Variants in RSPO2 observed in about 807,000 individuals in gnomAD.
RSPO2 encodes the protein R-spondin 2.
Under a neutral mutation model 30.9 loss-of-function variants are expected in RSPO2, and 14 were observed. The observed-to-expected ratio is 0.45, with a 90% CI of 0.30 to 0.71. The LOEUF (loss-of-function observed/expected upper bound fraction) is 0.71. Among genes scored for constraint, RSPO2 ranks in the 30% least tolerant of loss-of-function variants. RSPO2 has a pLI of 0.08. For missense variants in RSPO2, 264 were observed against 301.9 expected (o/e 0.87, Z 0.93); for synonymous variants, 107 against 96.4 (o/e 1.11, Z -0.64).
chr8:107,980,781 T>C (rs925993870), intron 3 of RSPO2, among the ~76,000 whole-genome samples: 5 of 152,116 alleles, frequency 3.3e-5, no homozygotes, highest in Admixed American at 6.5e-5. Context: ...GCCCTGCAAT[T>C]TTTCATGACT....
chr8:107,953,121 T>A (rs1386636189), intron 5 of RSPO2, among the ~76,000 whole-genome samples: 1 of 151,864 alleles, frequency 6.6e-6, no homozygotes, highest in Non-Finnish European at 1.5e-5. Context: ...ACTTTAAGAG[T>A]CCGATAGTTG....
At chr8:108,064,673 G>A (rs187524885) in intron 2 of RSPO2, among the ~76,000 whole-genome samples, 1 of 152,134 alleles carries the variant, frequency 6.6e-6, no homozygotes, top group African/African-American at 2.4e-5. Flanking sequence ...TCATTACTGG[G>A]TATATACCCA....
In RSPO2 at chr8:107,901,175, T is replaced by C. The variant is rs1012287687; in HGVS notation, c.632A>G (p.Lys211Arg). The change falls in exon 6 of 6, where the codon AAG (lysine) becomes AGG (arginine). Residue 211 changes from lysine to arginine, a missense_variant. Coordinates refer to ENST00000276659, the MANE Select transcript of RSPO2 (RefSeq NM_178565.5). ...TTTCTTGTTCCTCTTCTCCTTCGCC[T>C]TTGGTGTTCTCTTCCCTGCAATGAA... ...RHCPGGKRTP[K>R]AKEKRNKKKK... is the part of the protein sequence containing the mutation. 1 of 1,613,596 alleles carries C rather than the reference T, an allele frequency of 6.2e-7. No individual in the cohort carries two copies. Among genetic ancestry groups the C allele is most frequent in the African/African-American group, 1.3e-5 (1 of 75,002 alleles).
At chr8:108,050,200 T>C (rs1812036447) in intron 2 of RSPO2, among the ~76,000 whole-genome samples, 1 of 152,180 alleles carries the variant, frequency 6.6e-6, no homozygotes, top group Non-Finnish European at 1.5e-5. Context: ...GATCTATTTG[T>C]TTTATACCTA....
chr8:108,017,834 T>C (rs932799285), intron 2 of RSPO2, among the ~76,000 whole-genome samples: 1 of 152,212 alleles, frequency 6.6e-6, no homozygotes, highest in Non-Finnish European at 1.5e-5. Flanking sequence ...AAAGATTCAA[T>C]TACATGGAAC....
chr8:108,031,590 C>T (rs545337467), intron 2 of RSPO2, among the ~76,000 whole-genome samples: 4 of 152,138 alleles, frequency 2.6e-5, no homozygotes, highest in South Asian at 2.1e-4. Flanking sequence ...AAAAACAAAA[C>T]GGTAAAAGGC....
At chr8:107,955,564 T>C (rs1478600035) in intron 5 of RSPO2, among the ~76,000 whole-genome samples, 1 of 151,760 alleles carries the variant, frequency 6.6e-6, no homozygotes, top group South Asian at 2.1e-4. Flanking sequence ...TATTATTTGA[T>C]TTTTTTTAAA....
chr8:108,082,629 G>A lies in RSPO2; in HGVS notation c.10C>T (p.Arg4Cys), dbSNP rs1271453894. The A allele has an allele frequency of 1.2e-6, 2 of 1,613,940 alleles. No homozygotes were observed. Among genetic ancestry groups the A allele is most frequent in the Non-Finnish European group, 1.7e-6 (2 of 1,179,878 alleles). The stretch of plus-strand genomic sequence containing the variant: ...ATGATGAGGGCAAAGGAGAAAAGGC[G>A]AAACTGCATCTGGGCGGTCGGGCGG... MQF[R>C]LFSFALIILN... Residue 4 changes from arginine (R) to cysteine (C), a missense_variant, in exon 2 of 6, where the codon CGC (arginine) becomes TGC (cysteine). Coordinates refer to ENST00000276659, the MANE Select transcript of RSPO2 (RefSeq NM_178565.5).
chr8:108,069,761 G>A (rs767351674), intron 2 of RSPO2, among the ~76,000 whole-genome samples: 1 of 152,168 alleles, frequency 6.6e-6, no homozygotes, highest in Non-Finnish European at 1.5e-5. Flanking sequence ...GATTCCCACA[G>A]AGTAGACATC....
chr8:107,907,941 A>T (rs944284651), intron 5 of RSPO2, among the ~76,000 whole-genome samples: 2 of 152,152 alleles, frequency 1.3e-5, no homozygotes, highest in Admixed American at 1.3e-4. Context: ...GTTGACAGGA[A>T]GTCCTATTTG....
chr8:108,000,523 G>C (rs1206446382), intron 2 of RSPO2, among the ~76,000 whole-genome samples: 1 of 151,784 alleles, frequency 6.6e-6, no homozygotes, highest in Non-Finnish European at 1.5e-5. Context: ...AGATACTTTT[G>C]AGAGTTTTGT....
chr8:107,933,200 G>A lies in RSPO2; in HGVS notation c.616+24880C>T, dbSNP rs78897892. Among the ~76,000 whole-genome samples, 1,164 of 152,174 alleles carry A rather than the reference G, an allele frequency of 7.6e-3. 12 individuals carry two copies. The highest frequency in any genetic ancestry group is 0.024 in the Middle Eastern group (7 of 294). ...TAGGTACACCTCTCCAATCTGATGC[G>A]AGTTTAAATTAACCATGTCACTATC... On this transcript the variant is annotated intron_variant, in intron 5 of 5. Transcript: ENST00000276659.
intron 5 of RSPO2, among the ~76,000 whole-genome samples, chr8:107,904,358 GA>G (rs57669048): frequency 0.16 from 21,697 of 139,932 alleles, 1,999 homozygotes; most frequent in Non-Finnish European, 0.22. Context: ...AGGATCATTA[GA>G]AAAAAAAAAA....
chr8:107,935,070 A>C (rs1812671881), intron 5 of RSPO2, among the ~76,000 whole-genome samples: 1 of 152,186 alleles, frequency 6.6e-6, no homozygotes, highest in African/African-American at 2.4e-5. Flanking sequence ...GGAGATAACC[A>C]TTGGACCTGA....
intron 3 of RSPO2, among the ~76,000 whole-genome samples, chr8:107,978,885 C>T (rs1324054279): frequency 6.6e-6 from 1 of 152,158 alleles, no homozygotes; most frequent in African/African-American, 2.4e-5. Context: ...TGAACAGACA[C>T]TTCTCAAAAG....
intron 5 of RSPO2, among the ~76,000 whole-genome samples, chr8:107,913,367 G>C (rs1398220022): frequency 1.3e-5 from 2 of 152,172 alleles, no homozygotes; most frequent in Admixed American, 1.3e-4. Flanking sequence ...ATAAAATGAA[G>C]CCTGGGGCCA....
intron 3 of RSPO2, among the ~76,000 whole-genome samples, chr8:107,986,115 C>G (rs1235329373): frequency 6.6e-6 from 1 of 152,266 alleles, no homozygotes; most frequent in African/African-American, 2.4e-5. Flanking sequence ...ATTTCAAATT[C>G]TAAGTCTGTG....
intron 2 of RSPO2, among the ~76,000 whole-genome samples, chr8:108,026,199 A>G (rs745743971): frequency 1.3e-4 from 20 of 152,220 alleles, no homozygotes; most frequent in Admixed American, 3.9e-4. Flanking sequence ...GGAATATTGT[A>G]CAGAATAACT....
At position 108,059,387 on chromosome 8, in the gene RSPO2, A is replaced by C. The variant is rs112004196; in HGVS notation, c.94+23158T>G. Among the ~76,000 whole-genome samples the C allele has an allele frequency of 3.0e-3, 448 of 151,354 alleles. 6 individuals carry two copies. Among genetic ancestry groups the C allele is most frequent in the African/African-American group, 0.01 (410 of 40,766 alleles). On this transcript the variant is annotated intron_variant, in intron 2 of 5. Coordinates refer to ENST00000276659, the MANE Select transcript of RSPO2 (RefSeq NM_178565.5). ...GAGAGGATGTGGAGAAATAGGGACA[A>C]TTTTACACTGTTGGTGGGACTGTAA...
Sources: gnomAD v4.1 joint callset for allele counts (sites outside exome capture counted in the v4.1 genomes callset) on GRCh38, gnomAD v4.1.1 for gene constraint, MANE v1.5 for transcripts, NCBI Gene and HGNC (gene_info 2026-07-23, HGNC 2026-07-21) for gene names.